Variants in TBCK observed in about 807,000 individuals in gnomAD.
TBCK encodes TBC domain-containing protein kinase-like protein.
TBCK carries 99 observed loss-of-function variants against 113.4 expected under a neutral mutation model. The observed-to-expected ratio is 0.87, with a 90% CI of 0.74 to 1.03. TBCK has a LOEUF of 1.03. Among genes scored for constraint, TBCK ranks in the 50% least tolerant of loss-of-function variants. TBCK has a pLI of 0.00. For synonymous variants in TBCK, 369 were observed against 370.8 expected (o/e 1.00, Z 0.05); for missense variants, 1,045 against 1,061.3 (o/e 0.98, Z 0.21).
At chr4:106,114,901 G>C (rs1743313184) in intron 24 of TBCK, among the ~76,000 whole-genome samples, 1 of 152,210 alleles carries the variant, frequency 6.6e-6, no homozygotes, top group Non-Finnish European at 1.5e-5. Context: ...CCTCATTCGG[G>C]AGTCCACTCA....
At chr4:106,207,028 T>C (rs1755579089) in intron 20 of TBCK, among the ~76,000 whole-genome samples, 1 of 152,198 alleles carries the variant, frequency 6.6e-6, no homozygotes, top group Admixed American at 6.5e-5. Context: ...CCCTTAAGAA[T>C]GAATCATACT....
At chr4:106,096,893 C>T (rs899733069) in intron 24 of TBCK, among the ~76,000 whole-genome samples, 1 of 152,124 alleles carries the variant, frequency 6.6e-6, no homozygotes, top group Non-Finnish European at 1.5e-5. Context: ...AATTAGAAGA[C>T]CCTGACTCTA....
In TBCK at chr4:106,140,340, T is replaced by G. The variant is rs1401333745; in HGVS notation, c.2236-23962A>C. 2.1e-4 allele frequency among the ~76,000 whole-genome samples: 29 copies of G among 141,320 alleles called. 4 individuals are homozygous for G. The allele number at this position is 141,320 out of a possible 152,430, so 92.7% of individuals were successfully genotyped here. ...GGCCACATTGCCAGAGATATTTGAA[T>G]GTGTTTACAGGCATTTTTCATATAA... On this transcript the variant is annotated intron_variant, in intron 23 of 25. Transcript: ENST00000394708.
intron 25 of TBCK, among the ~76,000 whole-genome samples, chr4:106,049,741 G>A (rs950769764): frequency 8.6e-5 from 13 of 151,936 alleles, no homozygotes; most frequent in Admixed American, 8.5e-4. Flanking sequence ...CCTTGGTGGG[G>A]GTGGCAGGAT....
intron 12 of TBCK, among the ~76,000 whole-genome samples, chr4:106,241,169 A>G (rs895549273): frequency 5.9e-5 from 9 of 151,956 alleles, no homozygotes; most frequent in Non-Finnish European, 1.3e-4. Context: ...TATTCTATAT[A>G]CAAGAGCAAT....
intron 24 of TBCK, among the ~76,000 whole-genome samples, chr4:106,111,723 A>G (rs7669087): frequency 0.2 from 31,007 of 152,174 alleles, 3,482 homozygotes; most frequent in South Asian, 0.27. Context: ...AGAACCTGGA[A>G]AAGTACAGAT....
chr4:106,275,119 A>G (rs150653372), intron 3 of TBCK, among the ~76,000 whole-genome samples: 12 of 152,198 alleles, frequency 7.9e-5, no homozygotes, highest in African/African-American at 2.4e-4. Context: ...TGTCACACAT[A>G]CACACAAAAA....
chr4:106,302,554 C>T (rs1329708885), intron 2 of TBCK, among the ~76,000 whole-genome samples: 1 of 151,968 alleles, frequency 6.6e-6, no homozygotes, highest in African/African-American at 2.4e-5. Flanking sequence ...GGAAAAAACC[C>T]CAAATACATA....
chr4:106,055,823 T>C (rs1470647669), intron 25 of TBCK, among the ~76,000 whole-genome samples: 1 of 151,392 alleles, frequency 6.6e-6, no homozygotes, highest in Non-Finnish European at 1.5e-5. Flanking sequence ...CAAATACAAG[T>C]TATTAATATA....
intron 25 of TBCK, among the ~76,000 whole-genome samples, chr4:106,091,547 T>C (rs1242130919): frequency 6.6e-6 from 1 of 152,146 alleles, no homozygotes; most frequent in Admixed American, 6.5e-5. Flanking sequence ...GGGTTCGTGG[T>C]CTCGCTGGCT....
chr4:106,263,726 T>C (rs1351047363), intron 3 of TBCK, among the ~76,000 whole-genome samples: 4 of 151,928 alleles, frequency 2.6e-5, no homozygotes, highest in Non-Finnish European at 5.9e-5. Flanking sequence ...TGTTGCAACC[T>C]GATTCTCTCT....
intron 20 of TBCK, among the ~76,000 whole-genome samples, chr4:106,196,096 A>G (rs917914372): frequency 2.6e-5 from 4 of 152,078 alleles, no homozygotes; most frequent in Non-Finnish European, 5.9e-5. Context: ...ACTAAAAGTA[A>G]TAAGATCTAA....
intron 25 of TBCK, among the ~76,000 whole-genome samples, chr4:106,084,694 G>A (rs1739295890): frequency 6.6e-6 from 1 of 152,166 alleles, no homozygotes. Flanking sequence ...CAGGGAAAAA[G>A]GCCAGGTAAC....
At chr4:106,300,018 G>A (rs1193501816) in intron 2 of TBCK, among the ~76,000 whole-genome samples, 2 of 152,130 alleles carry the variant, frequency 1.3e-5, no homozygotes, top group Non-Finnish European at 2.9e-5. Context: ...CCCAGTGGGA[G>A]GTAATTGAAT....
At chr4:106,218,463 C>T (rs1757257220) in intron 19 of TBCK, among the ~76,000 whole-genome samples, 2 of 145,142 alleles carry the variant, frequency 1.4e-5, no homozygotes, top group South Asian at 4.6e-4. Context: ...TATTCGCAAC[C>T]TACTCATCTG....
At chr4:106,149,153 T>G (rs1212576033) in intron 23 of TBCK, among the ~76,000 whole-genome samples, 2 of 152,226 alleles carry the variant, frequency 1.3e-5, no homozygotes, top group Non-Finnish European at 2.9e-5. Context: ...TGGATTAGGC[T>G]TTGGCTTAAG....
At chr4:106,122,535 A>T (rs1431734370) in intron 23 of TBCK, among the ~76,000 whole-genome samples, 1 of 152,228 alleles carries the variant, frequency 6.6e-6, no homozygotes, top group African/African-American at 2.4e-5. Context: ...TGAGGCCAGC[A>T]TCATCCTGAT....
At chr4:106,106,922 T>A (rs1742233524) in intron 24 of TBCK, among the ~76,000 whole-genome samples, 1 of 151,008 alleles carries the variant, frequency 6.6e-6, no homozygotes, top group African/African-American at 2.4e-5. Flanking sequence ...ACTTATAAGC[T>A]CAAAATAAAG....
At chr4:106,231,649 A>C (rs1367051941) in intron 18 of TBCK, 80 bp downstream of exon 18, 3 of 1,385,510 alleles carry the variant, frequency 2.2e-6, no homozygotes, top group Non-Finnish European at 3.0e-6. Flanking sequence ...CCTTAAAACA[A>C]AAACAAAAAC....
Sources: gnomAD v4.1 joint callset for allele counts (sites outside exome capture counted in the v4.1 genomes callset) on GRCh38, gnomAD v4.1.1 for gene constraint, MANE v1.5 for transcripts, NCBI Gene and HGNC (gene_info 2026-07-23, HGNC 2026-07-21) for gene names.